Variants in ZNF441 observed in about 807,000 individuals in gnomAD.
The protein encoded by ZNF441 is zinc finger protein 441.
In ZNF441, 25 loss-of-function variants were observed where a neutral mutation model predicts 64.5. The ratio of observed to expected loss-of-function variants is 0.39; its 90% confidence interval spans 0.28 to 0.54. ZNF441 has a LOEUF of 0.54. ZNF441 is among the 20% of genes least tolerant of loss of function. The probability of loss-of-function intolerance (pLI) is 0.70; values close to 1 mark genes in which losing one functional copy is unlikely to be tolerated. For synonymous variants in ZNF441, 262 were observed against 268.0 expected (o/e 0.98, Z 0.22); for missense variants, 715 against 843.3 (o/e 0.85, Z 1.88).
chr19:11,780,787 T>G lies in ZNF441; in HGVS notation c.963T>G (p.Ser321Arg). 6.2e-7 allele frequency: 1 copy of G among 1,614,136 alleles called. No individual in the cohort carries two copies. Among genetic ancestry groups the G allele is most frequent in the African/African-American group, 1.3e-5 (1 of 75,034 alleles). ...GTGGAAAAGGCTTTCTTTCTCCCAG[T>G]TCAGTTCGAAGACATAAAAGAACTC... ...KICGKGFLSP[S>R]SVRRHKRTHT... Residue 321 changes from serine (S) to arginine (R), a missense_variant, in exon 4 of 4, where the codon AGT (serine) becomes AGG (arginine). Coordinates refer to ENST00000357901, the MANE Select transcript of ZNF441 (RefSeq NM_152355.3).
chr19:11,777,385 A>G (rs953182707), intron 1 of ZNF441, among the ~76,000 whole-genome samples: 1 of 152,190 alleles, frequency 6.6e-6, no homozygotes, highest in African/African-American at 2.4e-5. Context: ...TAACTTACCA[A>G]CAAGAGGCGT....
At chr19:11,778,536 G>A in intron 3 of ZNF441, 143 bp downstream of exon 3, 2 of 631,672 alleles carry the variant, frequency 3.2e-6, no homozygotes, top group Non-Finnish European at 2.7e-6. Context: ...ATAGCTCGCT[G>A]TAGCCTCGGA....
Position 11,767,171 on chromosome 19 carries a change from A to G in ZNF441, c.-23A>G, listed in dbSNP as rs1189266093. Reference sequence around the variant, plus strand: ...CTGACAGCGGGAGGCAGAGGGAGGAACCTGGACGCCGGAAGCCGGGAAATG... The same window carrying G: ...CTGACAGCGGGAGGCAGAGGGAGGAGCCTGGACGCCGGAAGCCGGGAAATG... On this transcript the variant is annotated 5_prime_UTR_variant, in exon 1 of 4. Coordinates refer to ENST00000357901, the MANE Select transcript of ZNF441 (RefSeq NM_152355.3). The surrounding 1 kb of genome is among the most constrained non-coding windows in gnomAD (Gnocchi z 5.1). 3.2e-6 allele frequency: 5 copies of G among 1,557,256 alleles called. No individual in the cohort carries two copies. The Admixed American group carries it at 9.7e-5, about 30-fold the overall frequency.
rs766811612 is a variant in ZNF441 at position 11,780,038 on chromosome 19, G to T, written c.214G>T (p.Ala72Ser). 1.2e-6 allele frequency: 2 copies of T among 1,611,570 alleles called. No individual in the cohort carries two copies. The highest frequency in any genetic ancestry group is 1.3e-5 in the African/African-American group (1 of 74,984). ...RNLRCHMVERACEIKDNSQCG... is the reference protein window; with the variant it reads ...RNLRCHMVERSCEIKDNSQCG... ...TTACAGATGTCATATGGTAGAGAGAGCCTGTGAAATTAAAGATAATAGTCA... is the reference window on the plus strand; with the variant it reads ...TTACAGATGTCATATGGTAGAGAGATCCTGTGAAATTAAAGATAATAGTCA... The change falls in exon 4 of 4, where the codon GCC becomes TCC. Residue 72 changes from alanine (A) to serine (S), a missense_variant. By Grantham distance (99) the Ala-to-Ser change is moderately conservative. Around this residue, in one of 2 missense-constraint regions of ZNF441, gnomAD observed 399 missense variants for 413.9 expected, o/e 0.96. Coordinates refer to ENST00000357901, the MANE Select transcript of ZNF441 (RefSeq NM_152355.3).
At position 11,783,894 on chromosome 19, in the gene ZNF441, T is replaced by C. The variant is rs1975424347; in HGVS notation, c.*1988T>C. 1 of 152,134 alleles carries C rather than the reference T, an allele frequency of 6.6e-6. No individual in the cohort carries two copies. The highest frequency in any genetic ancestry group is 1.5e-5 in the Non-Finnish European group (1 of 68,014). 9.4% of individuals were successfully genotyped at this position (152,134 alleles called of 1,614,324 possible). On this transcript the variant is annotated 3_prime_UTR_variant, in exon 4 of 4. Coordinates refer to ENST00000357901, the MANE Select transcript of ZNF441 (RefSeq NM_152355.3). ...AAATATATTGCATATTTCAAAGTAG[T>C]TGGAAGAGAGGACTTGAAATGTTAC...
At chr19:11,768,389 TA>T (rs923269643) in intron 1 of ZNF441, among the ~76,000 whole-genome samples, 4 of 152,040 alleles carry the variant, frequency 2.6e-5, no homozygotes, top group Non-Finnish European at 2.9e-5. Flanking sequence ...CATTTCGCTG[TA>T]AAAAAAATGA....
chr19:11,775,454 C>T (rs1010812293), intron 1 of ZNF441, among the ~76,000 whole-genome samples: 16 of 151,986 alleles, frequency 1.1e-4, no homozygotes, highest in African/African-American at 3.6e-4. Flanking sequence ...CTCAGCCTCC[C>T]GAGTACCTGG....
In ZNF441 at chr19:11,780,548, C is replaced by T; in HGVS notation, c.724C>T (p.His242Tyr). Residue 242 changes from histidine (H) to tyrosine (Y), a missense_variant, in exon 4 of 4, where the codon CAT becomes TAT. By Grantham distance (83) the His-to-Tyr change is moderately conservative (BLOSUM62 2). This residue lies in a region of ZNF441 where 399 missense variants were observed against 413.9 expected (regional missense o/e 0.96). Coordinates refer to ENST00000357901, the MANE Select transcript of ZNF441 (RefSeq NM_152355.3). ...TCCTGCTTATAGTTCCACTCTAAGA[C>T]ATGAAAGAACACACAGTGGAGAGAA... ...AFPAYSSTLR[H>Y]ERTHSGEKPY... 3.7e-6 allele frequency: 6 copies of T among 1,614,122 alleles called. No individual in the cohort carries two copies. The highest frequency in any genetic ancestry group is 5.1e-6 in the Non-Finnish European group (6 of 1,180,016).
chr19:11,777,263 G>A (rs1480336078), intron 1 of ZNF441, among the ~76,000 whole-genome samples: 1 of 151,922 alleles, frequency 6.6e-6, no homozygotes, highest in African/African-American at 2.4e-5. Context: ...GAGCCTTCTT[G>A]CTGGTAACTC....
Position 11,781,633 on chromosome 19 carries a change from A to G in ZNF441, c.1809A>G (p.Gln603=), listed in dbSNP as rs1975405060. The G allele has an allele frequency of 6.2e-7, 1 of 1,614,034 alleles. No homozygotes were observed. The highest frequency in any genetic ancestry group is 1.1e-5 in the South Asian group (1 of 91,082). Residue 603 remains glutamine, a synonymous_variant, in exon 4 of 4, where the codon CAA becomes CAG. Transcript: ENST00000357901. ...GKGFDYPSSV[Q]RHERTHTGEK... is the part of the protein sequence containing the mutation. ...GCTTTGATTATCCCAGTTCAGTGCA[A>G]AGACATGAAAGAACTCACACTGGAG...
At position 11,780,284 on chromosome 19, in the gene ZNF441, C is replaced by A. The variant is rs185287490; in HGVS notation, c.460C>A (p.Pro154Thr). 8.1e-6 allele frequency: 13 copies of A among 1,614,108 alleles called. 1 individual carries two copies. The African/African-American group carries it at 1.1e-4, about 13-fold the overall frequency. Reference sequence around the variant, plus strand: ...ATGTGGGACAGCTTTCAGTTATCAGCCCTGCTTTCAAATACATGAAAGACC... The same window carrying A: ...ATGTGGGACAGCTTTCAGTTATCAGACCTGCTTTCAAATACATGAAAGACC... ...TQCGTAFSYQ[P>T]CFQIHERPQH... is the part of the protein sequence containing the mutation. Residue 154 changes from proline (P) to threonine (T), a missense_variant, in exon 4 of 4, where the codon CCC (proline) becomes ACC (threonine). By Grantham distance (38) the Pro-to-Thr change is conservative. Around this residue, in one of 2 missense-constraint regions of ZNF441, gnomAD observed 399 missense variants for 413.9 expected, o/e 0.96. Transcript: ENST00000357901.
At position 11,780,538 on chromosome 19, in the gene ZNF441, C is replaced by T; in HGVS notation, c.714C>T (p.Ser238=). 1 of 1,614,072 alleles carries T rather than the reference C, an allele frequency of 6.2e-7. No individual in the cohort carries two copies. The highest frequency in any genetic ancestry group is 8.5e-7 in the Non-Finnish European group (1 of 1,180,002). ...QCSTAFPAYS[S]TLRHERTHSG... is the part of the protein sequence containing the mutation. ...CTACAGCGTTTCCTGCTTATAGTTC[C>T]ACTCTAAGACATGAAAGAACACACA... The change falls in exon 4 of 4, where the codon TCC becomes TCT. Residue 238 remains serine (S), a synonymous_variant. Coordinates refer to ENST00000357901, the MANE Select transcript of ZNF441 (RefSeq NM_152355.3).
rs989129089 is a variant in ZNF441 at position 11,781,547 on chromosome 19, C to T, written c.1723C>T (p.Arg575Ter). The change falls in exon 4 of 4, where the codon CGA becomes TGA. Residue 575 changes from arginine to a stop codon, truncating the protein, a stop_gained. Transcript: ENST00000357901. LOFTEE classifies it high-confidence loss of function. ...AGCATTATCTGATCTCTCAAGCTTT[C>T]GAAGACACATGATAACACATACTGG... ...GKALSDLSSF[R>*]RHMITHTGNG... 6 of 1,613,920 alleles carry T rather than the reference C, an allele frequency of 3.7e-6. No individual in the cohort carries two copies. The highest frequency in any genetic ancestry group is 1.3e-5 in the African/African-American group (1 of 74,988).
rs1975395267 is a variant in ZNF441 at position 11,780,773 on chromosome 19, T to C, written c.949T>C (p.Phe317Leu). 1 of 1,614,060 alleles carries C rather than the reference T, an allele frequency of 6.2e-7. No homozygotes were observed. The highest frequency in any genetic ancestry group is 1.7e-5 in the Admixed American group (1 of 60,012). Reference sequence around the variant, plus strand: ...TAAATGTAAGATATGTGGAAAAGGCTTTCTTTCTCCCAGTTCAGTTCGAAG... The same window carrying C: ...TAAATGTAAGATATGTGGAAAAGGCCTTCTTTCTCCCAGTTCAGTTCGAAG... ...PHKCKICGKG[F>L]LSPSSVRRHK... Residue 317 changes from phenylalanine to leucine, a missense_variant, in exon 4 of 4, where the codon TTT becomes CTT. By Grantham distance (22) the Phe-to-Leu change is conservative. Transcript: ENST00000357901.
Position 11,780,303 on chromosome 19 carries a change from A to T in ZNF441, c.479A>T (p.Glu160Val), listed in dbSNP as rs757539822. ...TATCAGCCCTGCTTTCAAATACATG[A>T]AAGACCTCAGCATGGAAAGAAACTC... ...FSYQPCFQIH[E>V]RPQHGKKLYD... Residue 160 changes from glutamate (E) to valine (V), a missense_variant, in exon 4 of 4, where the codon GAA (glutamate) becomes GTA (valine). By Grantham distance (121) the Glu-to-Val change is moderately radical. This residue lies in a region of ZNF441 where 399 missense variants were observed against 413.9 expected (regional missense o/e 0.96). Transcript: ENST00000357901. The T allele has an allele frequency of 2.5e-6, 4 of 1,614,106 alleles. No homozygotes were observed. The East Asian group carries it at 8.9e-5, about 36-fold the overall frequency.
intron 1 of ZNF441, among the ~76,000 whole-genome samples, chr19:11,776,039 T>C (rs441052): frequency 0.49 from 73,768 of 152,072 alleles, 19,236 homozygotes; most frequent in African/African-American, 0.7. Flanking sequence ...TTGAAGGTTT[T>C]TTATGTATTT....
chr19:11,774,458 T>C (rs1222141246), intron 1 of ZNF441, among the ~76,000 whole-genome samples: 1 of 152,226 alleles, frequency 6.6e-6, no homozygotes, highest in African/African-American at 2.4e-5. Context: ...ATCAATTTCA[T>C]TCCTTTTTTT....
intron 1 of ZNF441, among the ~76,000 whole-genome samples, chr19:11,771,762 T>A (rs422626): frequency 0.48 from 73,552 of 151,848 alleles, 19,141 homozygotes; most frequent in African/African-American, 0.7. Context: ...TGCCAGGCGG[T>A]CCGTGGTCTA....
Position 11,780,156 on chromosome 19 carries a change from T to C in ZNF441, c.332T>C (p.Val111Ala), listed in dbSNP as rs1308208619. 1.9e-6 allele frequency: 3 copies of C among 1,614,186 alleles called. No individual in the cohort carries two copies. Among genetic ancestry groups the C allele is most frequent in the South Asian group, 2.2e-5 (2 of 91,084 alleles). ...DPWESSECTD[V>A]LMGRSSLNCY... The stretch of plus-strand genomic sequence containing the variant: ...TGGGAAAGCAGTGAGTGTACAGACG[T>C]CCTCATGGGTCGTTCATCTCTTAAT... Residue 111 changes from valine to alanine, a missense_variant, in exon 4 of 4, where the codon GTC becomes GCC. By Grantham distance (64) the Val-to-Ala change is moderately conservative. Transcript: ENST00000357901.
Sources: allele counts gnomAD v4.1 joint callset (sites outside exome capture counted in the v4.1 genomes callset), GRCh38; gene constraint gnomAD v4.1.1; regional missense constraint gnomAD v4.1.1; non-coding constraint Gnocchi (gnomAD v3.1); transcripts MANE v1.5; gene names NCBI Gene and HGNC (gene_info 2026-07-23, HGNC 2026-07-21).